Variants in CPM observed in about 807,000 individuals in gnomAD.
CPM encodes the protein renal carboxypeptidase.
A neutral mutation model predicts 46.4 loss-of-function variants in CPM; 35 were observed. The observed-to-expected ratio is 0.75, with a 90% confidence interval of 0.58 to 1.00. The LOEUF is 1.00. CPM is among the 50% of genes least tolerant of loss of function. CPM has a pLI of 0.00. For synonymous variants in CPM, 195 were observed against 195.3 expected (o/e 1.00, Z 0.01); for missense variants, 422 against 530.4 (o/e 0.80, Z 2.01).
chr12:68,932,541 C>T, intron 2 of CPM, 137 bp downstream of exon 2: 3 of 965,192 alleles, frequency 3.1e-6, no homozygotes, highest in South Asian at 1.9e-5. Context: ...ACAACCAACA[C>T]GCACGGTACC....
chr12:68,962,138 T>A (rs969785630), intron 1 of CPM, among the ~76,000 whole-genome samples: 5 of 148,808 alleles, frequency 3.4e-5, no homozygotes, highest in Admixed American at 6.7e-5. Context: ...AGGCGGAGCT[T>A]GCAGTGAGCC....
At chr12:68,918,129 C>T (rs1399615930) in intron 2 of CPM, among the ~76,000 whole-genome samples, 1 of 152,128 alleles carries the variant, frequency 6.6e-6, no homozygotes, top group East Asian at 1.9e-4. Flanking sequence ...CCTTCTTGAG[C>T]CACTCCCCTT....
chr12:68,877,477 T>C (rs1201886578), intron 3 of CPM, among the ~76,000 whole-genome samples: 1 of 152,234 alleles, frequency 6.6e-6, no homozygotes, highest in Non-Finnish European at 1.5e-5. Flanking sequence ...AGCTATTTTA[T>C]CTGAAGGATT....
intron 2 of CPM, among the ~76,000 whole-genome samples, chr12:68,898,678 T>C (rs1485048720): frequency 1.3e-5 from 2 of 152,206 alleles, no homozygotes; most frequent in Admixed American, 1.3e-4. Flanking sequence ...TGAGATGATA[T>C]ACAGTATCCT....
intron 1 of CPM, among the ~76,000 whole-genome samples, chr12:68,957,060 C>G (rs935945157): frequency 5.3e-5 from 8 of 152,288 alleles, no homozygotes; most frequent in African/African-American, 1.7e-4. Context: ...AGACAATCAG[C>G]AGACCACCCC....
intron 2 of CPM, among the ~76,000 whole-genome samples, chr12:68,898,510 T>A (rs1886978941): frequency 6.6e-6 from 1 of 152,132 alleles, no homozygotes; most frequent in Non-Finnish European, 1.5e-5. Context: ...AAAATTAGGT[T>A]CCCTAACCGG....
At chr12:68,914,046 T>TCACTTCAAATCCTCACTATTC (rs1887707922) in intron 2 of CPM, 1 of 692,040 alleles carries the variant, frequency 1.4e-6, no homozygotes, top group Non-Finnish European at 2.8e-6. Flanking sequence ...ATTCCATTCC[T>TCACTTCAAATCCTCACTATTC]CAGGTATAAA....
At position 68,853,975 on chromosome 12, in the gene CPM, G is replaced by A. The variant is rs878888984; in HGVS notation, c.*2462C>T. On this transcript the variant is annotated 3_prime_UTR_variant, in exon 9 of 9. Coordinates refer to ENST00000551568, the MANE Select transcript of CPM (RefSeq NM_198320.5). ...AATACAGGGTAACTCTCATAGTGGA[G>A]AACTTGAGAAGCATTAGTACTTCAA... The A allele has an allele frequency of 1.3e-5, 2 of 152,024 alleles. No individual in the cohort carries two copies. Among genetic ancestry groups the A allele is most frequent in the African/African-American group, 4.8e-5 (2 of 41,386 alleles). 9.4% of individuals were successfully genotyped at this position (152,024 alleles called of 1,614,324 possible). A position where few individuals can be genotyped will look rare whatever the true frequency, so the allele number is the denominator to read the frequency against.
intron 6 of CPM, among the ~76,000 whole-genome samples, chr12:68,867,764 C>T (rs762896166): frequency 2.0e-4 from 31 of 152,212 alleles, no homozygotes; most frequent in Non-Finnish European, 1.8e-4. Context: ...GGCCCGGCCC[C>T]CTGTGGAGCC....
In CPM at chr12:68,893,562, C is replaced by G. The variant is rs1886744864; in HGVS notation, c.161-7673G>C. Among the ~76,000 whole-genome samples the G allele has an allele frequency of 1.3e-5, 2 of 152,190 alleles. 1 individual carries two copies. The highest frequency in any genetic ancestry group is 4.1e-4 in the South Asian group (2 of 4,830). ...ATAAGAGTAAGTGCTCTATTCTGCT[C>G]TGAAGTAATGAAGGGGCTGGGCTAT... is the stretch of plus-strand genomic sequence containing the variant. On this transcript the variant is annotated intron_variant, in intron 2 of 8. Coordinates refer to ENST00000551568, the MANE Select transcript of CPM (RefSeq NM_198320.5).
Position 68,871,546 on chromosome 12 carries a change from G to T in CPM, c.431+238C>A, listed in dbSNP as rs1885695105. 3 of 524,860 alleles carry T rather than the reference G, an allele frequency of 5.7e-6. No individual in the cohort carries two copies. In the East Asian group the frequency reaches 9.4e-5, roughly 16 times the overall value. The allele number at this position is 524,860 out of a possible 1,614,324, so 32.5% of individuals were successfully genotyped here. On this transcript the variant is annotated intron_variant, in intron 4 of 8. Transcript: ENST00000551568. ...GGAGGAGGCAGGGGAGAGAGAAGGA[G>T]TGGCAAATGAAGATGGAGAGGCTAG...
At chr12:68,938,461 C>T (rs1252577412) in intron 1 of CPM, among the ~76,000 whole-genome samples, 2 of 152,070 alleles carry the variant, frequency 1.3e-5, no homozygotes, top group African/African-American at 2.4e-5. Flanking sequence ...TAGGTATTAA[C>T]CAGCGCCCTA....
At chr12:68,897,544 T>C (rs898226724) in intron 2 of CPM, among the ~76,000 whole-genome samples, 1 of 152,036 alleles carries the variant, frequency 6.6e-6, no homozygotes, top group Non-Finnish European at 1.5e-5. Context: ...CAGAGCAGCC[T>C]GGCCAATATG....
upstream of CPM, among the ~76,000 whole-genome samples, chr12:68,935,473 T>C (rs930296973): frequency 2.0e-5 from 3 of 151,938 alleles, no homozygotes; most frequent in Non-Finnish European, 4.4e-5. Context: ...GCATTTTTAA[T>C]AGAGACCAGG....
At chr12:68,842,981 C>T in intron 5 of CPM, 1 of 210,950 alleles carries the variant, frequency 4.7e-6, no homozygotes, top group Non-Finnish European at 9.6e-6. Context: ...TCTGCTTTGG[C>T]AAATACTAAG....
intron 1 of CPM, among the ~76,000 whole-genome samples, chr12:68,954,307 T>C (rs573944964): frequency 6.6e-5 from 10 of 152,342 alleles, no homozygotes; most frequent in Non-Finnish European, 1.0e-4. Context: ...CCCCTCACTC[T>C]GTTCCCATCT....
At chr12:68,863,399 C>T (rs1012737742) in intron 7 of CPM, among the ~76,000 whole-genome samples, 6 of 152,186 alleles carry the variant, frequency 3.9e-5, no homozygotes, top group Non-Finnish European at 7.3e-5. Context: ...AGAATTCAGA[C>T]TTGCCCTCCT....
chr12:68,892,220 A>G (rs967192579), intron 2 of CPM, among the ~76,000 whole-genome samples: 4 of 152,162 alleles, frequency 2.6e-5, no homozygotes, highest in African/African-American at 9.7e-5. Context: ...AAAAAACATC[A>G]AAGAAAAACA....
At chr12:68,876,417 T>C (rs1294381354) in intron 3 of CPM, among the ~76,000 whole-genome samples, 1 of 152,246 alleles carries the variant, frequency 6.6e-6, no homozygotes, top group Non-Finnish European at 1.5e-5. Context: ...CCAACCTTAA[T>C]ATAAATGTTT....
Sources: allele counts gnomAD v4.1 joint callset (sites outside exome capture counted in the v4.1 genomes callset), GRCh38; gene constraint gnomAD v4.1.1; transcripts MANE v1.5; gene names NCBI Gene and HGNC (gene_info 2026-07-23, HGNC 2026-07-21).